Variants in MCPH1 observed in about 807,000 individuals in gnomAD.
MCPH1 encodes microcephalin.
A neutral mutation model predicts 84.5 loss-of-function variants in MCPH1; 104 were observed. The observed-to-expected ratio is 1.23, with a 90% CI of 1.05 to 1.45. The LOEUF is 1.45. Among genes scored for constraint, MCPH1 ranks in the 40% most tolerant of loss-of-function variants. The probability of loss-of-function intolerance (pLI) is 0.00; values close to 1 mark genes in which losing one functional copy is unlikely to be tolerated. For missense variants in MCPH1, 1,498 were observed against 1,005.7 expected, an observed-to-expected ratio of 1.49 and a Z score of -6.62; for synonymous variants, 514 against 366.8, an observed-to-expected ratio of 1.40 and a Z score of -4.58.
intron 11 of MCPH1, among the ~76,000 whole-genome samples, chr8:6,496,939 C>G (rs977550603): frequency 1.3e-5 from 2 of 152,082 alleles, no homozygotes; most frequent in African/African-American, 4.8e-5. Flanking sequence ...ATTGTTTTCC[C>G]TCTTTAAATT....
At chr8:6,449,094 G>C (rs1479929184) in intron 8 of MCPH1, among the ~76,000 whole-genome samples, 1 of 152,162 alleles carries the variant, frequency 6.6e-6, no homozygotes, top group African/African-American at 2.4e-5. Context: ...TTTGTAATAA[G>C]ATAGATTTTA....
At chr8:6,462,677 G>C (rs1052839993) in intron 9 of MCPH1, among the ~76,000 whole-genome samples, 1 of 152,106 alleles carries the variant, frequency 6.6e-6, no homozygotes, top group African/African-American at 2.4e-5. Context: ...TGGGTTCCAT[G>C]GTGTTGAACA....
At chr8:6,627,055 T>A in intron 13 of MCPH1, 24 of 985,186 alleles carry the variant, frequency 2.4e-5, no homozygotes, top group Non-Finnish European at 2.8e-5. Context: ...TTTGAACATG[T>A]CCCATGTCGA....
intron 12 of MCPH1, among the ~76,000 whole-genome samples, chr8:6,615,277 T>C (rs1830684428): frequency 6.6e-6 from 1 of 152,138 alleles, no homozygotes; most frequent in Non-Finnish European, 1.5e-5. Context: ...CCTCCCTCAA[T>C]GCCCCAAGCC....
intron 12 of MCPH1, among the ~76,000 whole-genome samples, chr8:6,578,623 G>C (rs950156657): frequency 6.6e-6 from 1 of 152,192 alleles, no homozygotes; most frequent in African/African-American, 2.4e-5. Flanking sequence ...GAAAATAGAA[G>C]AACTAGAATA....
chr8:6,563,581 T>C (rs934182538), intron 12 of MCPH1, among the ~76,000 whole-genome samples: 3 of 152,264 alleles, frequency 2.0e-5, no homozygotes, highest in African/African-American at 7.2e-5. Context: ...ATAACTTTAA[T>C]GTTGAAGTAC....
chr8:6,514,850 A>G (rs1815938651), intron 12 of MCPH1: 1 of 1,326,532 alleles, frequency 7.5e-7, no homozygotes, highest in Admixed American at 1.7e-5. Context: ...AAGCAGGAGG[A>G]ATGTAGACCC....
intron 12 of MCPH1, among the ~76,000 whole-genome samples, chr8:6,557,665 T>G (rs1250331841): frequency 6.8e-6 from 1 of 146,412 alleles, no homozygotes; most frequent in Non-Finnish European, 1.5e-5. Context: ...TTTTTTATAT[T>G]TAATATGATA....
intron 2 of MCPH1, among the ~76,000 whole-genome samples, chr8:6,411,824 G>C (rs73514777): frequency 0.039 from 5,920 of 152,244 alleles, 281 homozygotes; most frequent in East Asian, 0.18. Context: ...GGGAGGGGTT[G>C]GGGGCGGGAC....
intron 12 of MCPH1, among the ~76,000 whole-genome samples, chr8:6,583,876 A>G (rs1452507974): frequency 8.0e-6 from 1 of 125,040 alleles, no homozygotes; most frequent in Non-Finnish European, 1.6e-5. Context: ...TTTAAGACAT[A>G]TCTTTGGCAT....
At chr8:6,525,306 G>A (rs1192369900) in intron 12 of MCPH1, among the ~76,000 whole-genome samples, 2 of 152,138 alleles carry the variant, frequency 1.3e-5, no homozygotes, top group Non-Finnish European at 2.9e-5. Flanking sequence ...TGTTGCCCAG[G>A]TTGGTATCAA....
chr8:6,409,330 C>G lies in MCPH1; in HGVS notation c.74C>G (p.Ser25Ter), dbSNP rs121434305. The change falls in exon 2 of 14, where the codon TCA (serine) becomes TGA (stop). Residue 25 changes from serine to a stop codon, truncating the protein, a stop_gained. Transcript: ENST00000344683. LOFTEE classifies it high-confidence loss of function. Reference protein sequence around the residue: ...VWSSNGTENYSKTFTTQLVDM... With the variant: ...VWSSNGTENY ...TCATCCAATGGAACAGAAAATTATT[C>G]AAAGACATTTACAACACAGCTTGTG... is the stretch of plus-strand genomic sequence containing the variant. 6.8e-6 allele frequency: 11 copies of G among 1,614,012 alleles called. No individual in the cohort carries two copies. Among genetic ancestry groups the G allele is most frequent in the Non-Finnish European group, 8.5e-6 (10 of 1,179,956 alleles).
chr8:6,576,682 A>ATTTTTTTTT lies in MCPH1; in HGVS notation c.2215-44735_2215-44727dup, dbSNP rs58486084. Among the ~76,000 whole-genome samples the ATTTTTTTTT allele has an allele frequency of 6.6e-4, 28 of 42,346 alleles. 4 individuals are homozygous for ATTTTTTTTT. Among genetic ancestry groups the ATTTTTTTTT allele is most frequent in the East Asian group, 4.6e-3 (6 of 1,310 alleles). 27.8% of individuals were successfully genotyped at this position (42,346 alleles called of 152,430 possible). A position where few individuals can be genotyped will look rare whatever the true frequency, so the allele number is the denominator to read the frequency against. On this transcript the variant is annotated intron_variant, in intron 12 of 13. Transcript: ENST00000344683. ...GCCACCACGCTCTGCTAATTTTTGT[A>ATTTTTTTTT]TTTTTTTTTTTTTTTTTTTTTTTTT...
At chr8:6,514,719 A>G (rs1815901694) in intron 12 of MCPH1, 4 of 1,613,994 alleles carry the variant, frequency 2.5e-6, no homozygotes, top group Admixed American at 1.7e-5. Context: ...CAACGCTGCC[A>G]TCCTCACGTC....
At chr8:6,500,896 T>C (rs1812046922) in intron 12 of MCPH1, 1 of 152,240 alleles carries the variant, frequency 6.6e-6, no homozygotes, top group African/African-American at 2.4e-5. Flanking sequence ...AGAGAATTGA[T>C]ATAAATTGTG....
chr8:6,531,711 C>A (rs1467296947), intron 12 of MCPH1, among the ~76,000 whole-genome samples: 1 of 152,128 alleles, frequency 6.6e-6, no homozygotes, highest in African/African-American at 2.4e-5. Flanking sequence ...TATTTGAGGC[C>A]CAGAAAAGGT....
intron 11 of MCPH1, among the ~76,000 whole-genome samples, chr8:6,489,274 T>C (rs1810297659): frequency 6.6e-6 from 1 of 151,804 alleles, no homozygotes; most frequent in African/African-American, 2.4e-5. Context: ...GAGTTTAGGT[T>C]TGATCTCTGG....
chr8:6,449,089 A>G (rs1183784465), intron 8 of MCPH1, among the ~76,000 whole-genome samples: 3 of 152,214 alleles, frequency 2.0e-5, no homozygotes, highest in Non-Finnish European at 4.4e-5. Flanking sequence ...GCTGATTTGT[A>G]ATAAGATAGA....
At chr8:6,530,130 C>A (rs1436062940) in intron 12 of MCPH1, among the ~76,000 whole-genome samples, 1 of 151,934 alleles carries the variant, frequency 6.6e-6, no homozygotes. Context: ...TATTCAATTA[C>A]CCATCAGTGT....
Sources: allele counts gnomAD v4.1 joint callset (sites outside exome capture counted in the v4.1 genomes callset), GRCh38; gene constraint gnomAD v4.1.1; transcripts MANE v1.5; gene names NCBI Gene and HGNC (gene_info 2026-07-23, HGNC 2026-07-21).